The following REN variants were observed in gnomAD, a reference collection of about 807,000 sequenced individuals.
The protein encoded by REN is renin, also known as angiotensin-forming enzyme.
REN carries 42 observed loss-of-function variants against 48.6 expected under a neutral mutation model. The observed-to-expected ratio is 0.86, with a 90% CI of 0.68 to 1.12. The LOEUF (loss-of-function observed/expected upper bound fraction) is 1.12. REN is among the 50% of genes most tolerant of loss of function. REN has a pLI of 0.00. For synonymous variants in REN, 196 were observed against 204.6 expected (o/e 0.96, Z 0.36); for missense variants, 443 against 527.3 (o/e 0.84, Z 1.57).
At chr1:204,166,063 C>T in intron 1 of REN, 133 bp downstream of exon 1, 1 of 774,888 alleles carries the variant, frequency 1.3e-6, no homozygotes, top group East Asian at 2.6e-5. Context: ...CTTGACCTCT[C>T]TGAACAGGTC....
intron 5 of REN, among the ~76,000 whole-genome samples, chr1:204,158,988 CT>C (rs1219823110): frequency 2.6e-5 from 4 of 152,164 alleles, no homozygotes; most frequent in Non-Finnish European, 5.9e-5. Flanking sequence ...AGCCATGGCC[CT>C]AACAGGCAGG....
At chr1:204,160,702 G>T in intron 3 of REN, 24 bp from the exon 4 acceptor site, 4 of 1,567,906 alleles carry the variant, frequency 2.6e-6, no homozygotes, top group Non-Finnish European at 3.5e-6. Flanking sequence ...AGAGGCTCAG[G>T]TTTGTCCAAG....
Position 204,154,842 on chromosome 1 carries a change from C to A in REN, c.*174G>T. 1 of 717,866 alleles carries A rather than the reference C, an allele frequency of 1.4e-6. No individual in the cohort carries two copies. The highest frequency in any genetic ancestry group is 1.8e-5 in the African/African-American group (1 of 57,092). The allele number at this position is 717,866 out of a possible 1,614,324, so 44.5% of individuals were successfully genotyped here. A position where few individuals can be genotyped will look rare whatever the true frequency, so the allele number is the denominator to read the frequency against. On this transcript the variant is annotated 3_prime_UTR_variant, in exon 10 of 10. Transcript: ENST00000272190. The stretch of plus-strand genomic sequence containing the variant: ...GCTGTGAACATGAAGTCTTTATTCT[C>A]TTTGTCCTCAAAGCAGGGAAGGGCT...
At position 204,155,065 on chromosome 1, in the gene REN, G is replaced by A; in HGVS notation, c.1172C>T (p.Thr391Ile). ...GCGGTTGTTACGCCGATCAAACTCT[G>A]TGTAGAACTTTCGGATGAAGGTGGC... is the stretch of plus-strand genomic sequence containing the variant. ...LGATFIRKFY[T>I]EFDRRNNRIG... Residue 391 changes from threonine to isoleucine, a missense_variant, in exon 10 of 10, where the codon ACA becomes ATA. Coordinates refer to ENST00000272190, the MANE Select transcript of REN (RefSeq NM_000537.4). 9 of 1,614,246 alleles carry A rather than the reference G, an allele frequency of 5.6e-6. No homozygotes were observed. Among genetic ancestry groups the A allele is most frequent in the Non-Finnish European group, 7.6e-6 (9 of 1,180,052 alleles).
intron 1 of REN, among the ~76,000 whole-genome samples, chr1:204,162,583 C>T (rs1658267914): frequency 6.6e-6 from 1 of 152,234 alleles, no homozygotes; most frequent in African/African-American, 2.4e-5. Context: ...AGGAAACAGG[C>T]ACAGACATTC....
intron 3 of REN, 34 bp from the exon 4 acceptor site, chr1:204,160,712 G>C (rs745395681): frequency 6.6e-7 from 1 of 1,504,312 alleles, no homozygotes; most frequent in Non-Finnish European, 9.3e-7. Flanking sequence ...GTTTGTCCAA[G>C]AGTGGCCCAG....
intron 3 of REN, 71 bp from the exon 4 acceptor site, chr1:204,160,749 T>C: frequency 9.2e-7 from 1 of 1,086,814 alleles, no homozygotes; most frequent in Non-Finnish European, 1.4e-6. Context: ...GCAGGGTGCA[T>C]TGTGGGTATG....
chr1:204,160,509 C>T, intron 4 of REN, 51 bp downstream of exon 4: 1 of 1,249,512 alleles, frequency 8.0e-7, no homozygotes, highest in Admixed American at 1.7e-5. Flanking sequence ...TCAGGAGAGG[C>T]CTGGGGACAG....
In REN at chr1:204,154,912, A is replaced by T; in HGVS notation, c.*104T>A. 3 of 1,351,158 alleles carry T rather than the reference A, an allele frequency of 2.2e-6. No homozygotes were observed. Among genetic ancestry groups the T allele is most frequent in the Non-Finnish European group, 3.1e-6 (3 of 962,270 alleles). 83.7% of individuals were successfully genotyped at this position (1,351,158 alleles called of 1,614,324 possible). A position where few individuals can be genotyped will look rare whatever the true frequency, so the allele number is the denominator to read the frequency against. On this transcript the variant is annotated 3_prime_UTR_variant, in exon 10 of 10. Transcript: ENST00000272190. ...GCATCCAGCAGGAGCTCCACATCCA[A>T]TGTCTCCATCTGAGGGCATAAGCCC... is the stretch of plus-strand genomic sequence containing the variant.
chr1:204,160,638 G>A lies in REN; in HGVS notation c.414C>T (p.Tyr138=), dbSNP rs779121660. The A allele has an allele frequency of 1.5e-5, 25 of 1,614,060 alleles. No homozygotes were observed. Among genetic ancestry groups the A allele is most frequent in the Non-Finnish European group, 2.0e-5 (24 of 1,180,002 alleles). Residue 138 remains tyrosine (Y), a synonymous_variant, in exon 4 of 10, where the codon TAC becomes TAT. Transcript: ENST00000272190. The part of the protein sequence containing the change: ...KLFDASDSSS[Y]KHNGTELTLR... Reference sequence around the variant, plus strand: ...GGGTGAGTTCTGTTCCATTGTGCTTGTAGCTGGAGGAATCCGAAGCATCGA... The same window carrying A: ...GGGTGAGTTCTGTTCCATTGTGCTTATAGCTGGAGGAATCCGAAGCATCGA...
In REN at chr1:204,166,157, C is replaced by T; in HGVS notation, c.98+39G>A. The T allele has an allele frequency of 1.9e-6, 3 of 1,558,776 alleles. 1 individual carries two copies. On this transcript the variant is annotated intron_variant, in intron 1 of 9. Transcript: ENST00000272190. ...GGGTGTTGGGAAGGTGGGAACCCTG[C>T]ACCCCTCCCACCCCTTCTCTGCCTG...
chr1:204,162,430 AT>A (rs947842164), intron 1 of REN, among the ~76,000 whole-genome samples: 4 of 152,172 alleles, frequency 2.6e-5, no homozygotes, highest in Non-Finnish European at 4.4e-5. Context: ...AGACAAGGCT[AT>A]TTGTTTATTG....
In REN at chr1:204,156,623, A is replaced by AC; in HGVS notation, c.818+53dup. The stretch of plus-strand genomic sequence containing the variant: ...ATGCAGTCCTTCCCCACCCTCCCCA[A>AC]CCCCAGTGACGGCAGCATTTTTTGG... On this transcript the variant is annotated intron_variant, in intron 7 of 9. Coordinates refer to ENST00000272190, the MANE Select transcript of REN (RefSeq NM_000537.4). This position sits in a 1 kb window ranked among gnomAD's most constrained non-coding sequence, Gnocchi z 4.2. 6.2e-7 allele frequency: 1 copy of AC among 1,609,410 alleles called. No individual in the cohort carries two copies. The highest frequency in any genetic ancestry group is 8.5e-7 in the Non-Finnish European group (1 of 1,176,308).
intron 1 of REN, among the ~76,000 whole-genome samples, chr1:204,162,606 T>C (rs989109868): frequency 1.3e-5 from 2 of 152,116 alleles, no homozygotes; most frequent in African/African-American, 4.8e-5. Flanking sequence ...TCTGAAGAGA[T>C]TAATGCCAGG....
In REN at chr1:204,162,072, T is replaced by C. The variant is rs1045353423; in HGVS notation, c.190A>G (p.Met64Val). The change falls in exon 2 of 10, where the codon ATG (methionine) becomes GTG (valine). Residue 64 changes from methionine (M) to valine (V), a missense_variant. Met to Val is a conservative substitution (Grantham distance 21). Coordinates refer to ENST00000272190, the MANE Select transcript of REN (RefSeq NM_000537.4). ...GTGTTGCCAAGTGTCAGCCTCTTCA[T>C]GGGTTGGCTCCACTCGGGACCAAGC... ...ARLGPEWSQP[M>V]KRLTLGNTTS... is the part of the protein sequence containing the mutation. 6.2e-7 allele frequency: 1 copy of C among 1,614,080 alleles called. No individual in the cohort carries two copies. The highest frequency in any genetic ancestry group is 1.1e-5 in the South Asian group (1 of 91,070).
At position 204,161,421 on chromosome 1, in the gene REN, G is replaced by T; in HGVS notation, c.250-6C>A. The stretch of plus-strand genomic sequence containing the variant: ...ATCTCGCCATAGTACTGGGTCTGTG[G>T]GGGTAAAAAGAGAGGGCTGGAGGGG... On this transcript the variant is annotated splice_region_variant and splice_polypyrimidine_tract_variant and intron_variant, in intron 2 of 9. Transcript: ENST00000272190. 3.2e-6 allele frequency: 5 copies of T among 1,540,746 alleles called. No homozygotes were observed. The highest frequency in any genetic ancestry group is 4.4e-6 in the Non-Finnish European group (5 of 1,139,008).
Position 204,156,307 on chromosome 1 carries a change from C to A in REN, c.831G>T (p.Gly277=), listed in dbSNP as rs377381757. Residue 277 remains glycine, a synonymous_variant, in exon 8 of 10, where the codon GGG becomes GGT. Coordinates refer to ENST00000272190, the MANE Select transcript of REN (RefSeq NM_000537.4). This position sits in a 1 kb window ranked among gnomAD's most constrained non-coding sequence, Gnocchi z 4.2. The part of the protein sequence containing the change: ...WQIQMKGVSV[G]SSTLLCEDGC... ...CGTCTTCACAGAGCAAGGTGGATGACCCCACAGACACCCTGGGGGAGGCCA... is the reference window on the plus strand; with the variant it reads ...CGTCTTCACAGAGCAAGGTGGATGAACCCACAGACACCCTGGGGGAGGCCA... 2 of 1,613,152 alleles carry A rather than the reference C, an allele frequency of 1.2e-6. No homozygotes were observed. Among genetic ancestry groups the A allele is most frequent in the African/African-American group, 1.3e-5 (1 of 74,822 alleles).
At chr1:204,166,098 T>C in intron 1 of REN, 98 bp downstream of exon 1, 1 of 980,722 alleles carries the variant, frequency 1.0e-6, no homozygotes. Flanking sequence ...CAGCTGATCG[T>C]AAGGACTGAA....
chr1:204,160,643 T>C lies in REN; in HGVS notation c.409A>G (p.Ser137Gly). 6.2e-7 allele frequency: 1 copy of C among 1,614,184 alleles called. No homozygotes were observed. The highest frequency in any genetic ancestry group is 8.5e-7 in the Non-Finnish European group (1 of 1,180,000). Residue 137 changes from serine (S) to glycine (G), a missense_variant, in exon 4 of 10, where the codon AGC (serine) becomes GGC (glycine). Coordinates refer to ENST00000272190, the MANE Select transcript of REN (RefSeq NM_000537.4). ...AGTTCTGTTCCATTGTGCTTGTAGC[T>C]GGAGGAATCCGAAGCATCGAAGAGC... ...HKLFDASDSS[S>G]YKHNGTELTL...
Sources: gnomAD v4.1 joint callset for allele counts (sites outside exome capture counted in the v4.1 genomes callset) on GRCh38, gnomAD v4.1.1 for gene constraint, Gnocchi (gnomAD v3.1) non-coding constraint, MANE v1.5 for transcripts, NCBI Gene and HGNC (gene_info 2026-07-23, HGNC 2026-07-21) for gene names.